The following RCAN1 variants were observed in gnomAD, a reference collection of about 807,000 sequenced individuals.
RCAN1 encodes the protein regulator of calcineurin 1.
Under a neutral mutation model 22.9 loss-of-function variants are expected in RCAN1, and 11 were observed. The observed-to-expected ratio is 0.48, with a 90% CI of 0.30 to 0.79. The LOEUF is 0.79. Ranked by LOEUF, RCAN1 falls within the 30% of genes least tolerant of loss-of-function variation. RCAN1 has a pLI of 0.06. For synonymous variants in RCAN1, 136 were observed against 142.3 expected, an observed-to-expected ratio of 0.96 and a Z score of 0.32; for missense variants, 291 against 337.8, an observed-to-expected ratio of 0.86 and a Z score of 1.09.
At chr21:34,586,110 C>T (rs1037561125) in intron 1 of RCAN1, among the ~76,000 whole-genome samples, 1 of 152,210 alleles carries the variant, frequency 6.6e-6, no homozygotes, top group Non-Finnish European at 1.5e-5. Flanking sequence ...TTTTAACACA[C>T]TTCTCTCAGC....
chr21:34,610,874 A>G (rs1175376949), intron 1 of RCAN1, among the ~76,000 whole-genome samples: 50 of 152,238 alleles, frequency 3.3e-4, no homozygotes, highest in Non-Finnish European at 8.8e-5. Flanking sequence ...TGATAGCACT[A>G]CATCTATCAC....
intron 1 of RCAN1, among the ~76,000 whole-genome samples, chr21:34,572,072 A>G (rs1443490714): frequency 6.6e-6 from 1 of 152,174 alleles, no homozygotes; most frequent in Admixed American, 6.5e-5. Flanking sequence ...GGTAGGATGG[A>G]AAATCTGCAG....
intron 1 of RCAN1, among the ~76,000 whole-genome samples, chr21:34,589,165 A>T (rs1274471754): frequency 6.6e-6 from 1 of 152,226 alleles, no homozygotes; most frequent in East Asian, 1.9e-4. Context: ...AGTTATGTGC[A>T]TTTTACCACA....
chr21:34,603,232 G>A (rs1013960731), intron 1 of RCAN1, among the ~76,000 whole-genome samples: 10 of 152,166 alleles, frequency 6.6e-5, no homozygotes, highest in African/African-American at 2.4e-4. Context: ...CCCCGGCGGC[G>A]ACCGCTGGTC....
At chr21:34,582,820 G>A (rs1987662667) in intron 1 of RCAN1, among the ~76,000 whole-genome samples, 1 of 152,160 alleles carries the variant, frequency 6.6e-6, no homozygotes, top group Admixed American at 6.5e-5. Flanking sequence ...AGGCAGGGGA[G>A]GACACTGGTT....
chr21:34,599,672 A>C (rs1188231823), intron 1 of RCAN1, among the ~76,000 whole-genome samples: 2 of 152,222 alleles, frequency 1.3e-5, no homozygotes, highest in Non-Finnish European at 2.9e-5. Flanking sequence ...AACAGAGGCT[A>C]TCCCTAAAGA....
In RCAN1 at chr21:34,588,142, G is replaced by A. The variant is rs55770815; in HGVS notation, c.252+26618C>T. ...ATCCTATTGGTTCTATTTCTCTGGA[G>A]AACGCTGTAGTCAATAAGCATTTCA... On this transcript the variant is annotated intron_variant, in intron 1 of 3. Coordinates refer to ENST00000313806, the MANE Select transcript of RCAN1 (RefSeq NM_004414.7). Among the ~76,000 whole-genome samples the A allele has an allele frequency of 3.3e-5, 5 of 152,258 alleles. No individual in the cohort carries two copies. The South Asian group carries it at 1.0e-3, about 32-fold the overall frequency.
chr21:34,590,791 T>C (rs1262934284), intron 1 of RCAN1, among the ~76,000 whole-genome samples: 1 of 152,242 alleles, frequency 6.6e-6, no homozygotes, highest in East Asian at 1.9e-4. Flanking sequence ...GCTTCCTATA[T>C]CTGAGAAGCG....
chr21:34,603,299 G>A (rs1456025370), intron 1 of RCAN1, among the ~76,000 whole-genome samples: 1 of 152,144 alleles, frequency 6.6e-6, no homozygotes, highest in Non-Finnish European at 1.5e-5. Context: ...TCCACAAGCT[G>A]GAGACTGCTT....
At chr21:34,547,071 T>G (rs1423918137) in intron 1 of RCAN1, among the ~76,000 whole-genome samples, 1 of 152,204 alleles carries the variant, frequency 6.6e-6, no homozygotes, top group Non-Finnish European at 1.5e-5. Context: ...GCTGGCGTTT[T>G]CTTTGGAACA....
At position 34,518,232 on chromosome 21, in the gene RCAN1, G is replaced by A. The variant is rs745325659; in HGVS notation, c.611C>T (p.Ala204Val). The part of the protein sequence containing the change: ...GPGEKYELHA[A>V]TDTTPSVVVH... Reference sequence around the variant, plus strand: ...CACCACGCTGGGAGTGGTGTCAGTCGCTGCGTGCAATTCATACTTTTCCCC... The same window carrying A: ...CACCACGCTGGGAGTGGTGTCAGTCACTGCGTGCAATTCATACTTTTCCCC... Residue 204 changes from alanine to valine, a missense_variant, in exon 4 of 4, where the codon GCG becomes GTG. Ala to Val is a moderately conservative substitution (Grantham distance 64). Transcript: ENST00000313806. This position sits in a 1 kb window ranked among gnomAD's most constrained non-coding sequence, Gnocchi z 4.2. 1.7e-5 allele frequency: 28 copies of A among 1,613,952 alleles called. No homozygotes were observed. The highest frequency in any genetic ancestry group is 2.3e-5 in the Non-Finnish European group (27 of 1,180,022).
intron 1 of RCAN1, among the ~76,000 whole-genome samples, chr21:34,566,703 A>T (rs746682165): frequency 9.2e-5 from 14 of 152,258 alleles, no homozygotes; most frequent in Admixed American, 4.6e-4. Context: ...AAAGAGGTTT[A>T]CTTAGCTCAT....
In RCAN1 at chr21:34,612,524, T is replaced by G. The variant is rs115146805; in HGVS notation, c.252+2236A>C. ...ACTAACTCCTCTGTGTAAGTCCCCT[T>G]TATCCACACTGTCCCCAGAGCCATT... is the stretch of plus-strand genomic sequence containing the variant. On this transcript the variant is annotated intron_variant, in intron 1 of 3. Transcript: ENST00000313806. 5.9e-3 allele frequency among the ~76,000 whole-genome samples: 900 copies of G among 152,274 alleles called. 5 individuals carry two copies. Among genetic ancestry groups the G allele is most frequent in the African/African-American group, 0.02 (826 of 41,558 alleles).
chr21:34,559,539 G>A (rs569624190), intron 1 of RCAN1: 11 of 152,204 alleles, frequency 7.2e-5, no homozygotes, highest in East Asian at 1.9e-4. Flanking sequence ...CCTTTGTTTC[G>A]GTGGATTGAG....
chr21:34,521,872 C>G, intron 2 of RCAN1: 1 of 550,734 alleles, frequency 1.8e-6, no homozygotes, highest in South Asian at 2.5e-5. Context: ...CAGCCCCCTC[C>G]CAGGGCTATG....
At chr21:34,589,754 A>C (rs1199198889) in intron 1 of RCAN1, among the ~76,000 whole-genome samples, 1 of 151,938 alleles carries the variant, frequency 6.6e-6, no homozygotes, top group Non-Finnish European at 1.5e-5. Flanking sequence ...CTGAGCTGGG[A>C]CAGCTCATCT....
At chr21:34,574,990 T>C (rs145828189) in intron 1 of RCAN1, among the ~76,000 whole-genome samples, 4 of 149,912 alleles carry the variant, frequency 2.7e-5, no homozygotes, top group South Asian at 2.1e-4. Context: ...TGTCAACGCA[T>C]GGCTGATGGA....
intron 1 of RCAN1, among the ~76,000 whole-genome samples, chr21:34,525,945 A>T (rs1985017690): frequency 6.6e-6 from 1 of 152,192 alleles, no homozygotes; most frequent in Admixed American, 6.5e-5. Flanking sequence ...ATGGCTTTGG[A>T]TATAAAGCAT....
intron 1 of RCAN1, among the ~76,000 whole-genome samples, chr21:34,586,608 T>G (rs974908448): frequency 6.6e-6 from 1 of 152,176 alleles, no homozygotes; most frequent in Non-Finnish European, 1.5e-5. Context: ...ATTAATGATT[T>G]ACATATTGAT....
Sources: gnomAD v4.1 joint callset for allele counts (sites outside exome capture counted in the v4.1 genomes callset) on GRCh38, gnomAD v4.1.1 for gene constraint, Gnocchi (gnomAD v3.1) non-coding constraint, MANE v1.5 for transcripts, NCBI Gene and HGNC (gene_info 2026-07-23, HGNC 2026-07-21) for gene names.